The following ARHGEF28 variants were observed in gnomAD, a reference collection of about 807,000 sequenced individuals.
The protein encoded by ARHGEF28 is 190 kDa guanine nucleotide exchange factor.
In ARHGEF28, 152 loss-of-function variants were observed where a neutral mutation model predicts 206.6. The observed-to-expected ratio is 0.74, with a 90% CI of 0.64 to 0.84. ARHGEF28 has a LOEUF of 0.84. Among genes scored for constraint, ARHGEF28 ranks in the 40% least tolerant of loss-of-function variants. The pLI, the probability that ARHGEF28 is intolerant of heterozygous loss-of-function variation, is 0.00. For missense variants in ARHGEF28, 2,028 were observed against 2,073.2 expected, an observed-to-expected ratio of 0.98 and a Z score of 0.42; for synonymous variants, 763 against 776.4, an observed-to-expected ratio of 0.98 and a Z score of 0.29.
At position 73,941,024 on chromosome 5, in the gene ARHGEF28, A is replaced by AT. The variant is rs1367255994; in HGVS notation, c.*16dup. On this transcript the variant is annotated 3_prime_UTR_variant, in exon 36 of 36. Coordinates refer to ENST00000513042, the MANE Select transcript of ARHGEF28 (RefSeq NM_001177693.2). The stretch of plus-strand genomic sequence containing the variant: ...ATTGTTTACCTCTAATTGTGTTGTC[A>AT]TTTTTCCAAACAAAACAAAACACTG... 6.8e-7 allele frequency: 1 copy of AT among 1,468,946 alleles called. No individual in the cohort carries two copies. The highest frequency in any genetic ancestry group is 8.9e-7 in the Non-Finnish European group (1 of 1,117,462). 91.0% of individuals were successfully genotyped at this position (1,468,946 alleles called of 1,614,324 possible). A position where few individuals can be genotyped will look rare whatever the true frequency, so the allele number is the denominator to read the frequency against.
intron 2 of ARHGEF28, among the ~76,000 whole-genome samples, chr5:73,732,995 AT>A (rs1750704651): frequency 6.6e-6 from 1 of 152,140 alleles, no homozygotes; most frequent in South Asian, 2.1e-4. Flanking sequence ...CTTTTTAAAA[AT>A]TTTTTATTTC....
intron 9 of ARHGEF28, among the ~76,000 whole-genome samples, chr5:73,821,879 C>T (rs946842578): frequency 1.3e-5 from 2 of 151,970 alleles, no homozygotes; most frequent in Non-Finnish European, 2.9e-5. Flanking sequence ...TTCAAGAGTC[C>T]TTTTTCCAAA....
At chr5:73,938,740 G>C (rs911824185) in intron 35 of ARHGEF28, among the ~76,000 whole-genome samples, 16 of 152,156 alleles carry the variant, frequency 1.1e-4, no homozygotes, top group African/African-American at 3.9e-4. Context: ...GTGTGACTGC[G>C]TGTTGTGACC....
At chr5:73,689,347 T>C (rs1371748848) in intron 2 of ARHGEF28, among the ~76,000 whole-genome samples, 1 of 152,172 alleles carries the variant, frequency 6.6e-6, no homozygotes, top group East Asian at 1.9e-4. Context: ...TTGATTTATT[T>C]TTTTAAATTT....
chr5:73,681,429 A>G (rs1747091493), intron 1 of ARHGEF28, among the ~76,000 whole-genome samples: 1 of 152,180 alleles, frequency 6.6e-6, no homozygotes, highest in African/African-American at 2.4e-5. Context: ...TATACTCGGA[A>G]TAGGAGTCTC....
chr5:73,903,086 G>A (rs762740162), intron 31 of ARHGEF28: 3 of 152,204 alleles, frequency 2.0e-5, no homozygotes, highest in Non-Finnish European at 2.9e-5. Context: ...GGCTGCTTAC[G>A]AGTGAAATCT....
intron 1 of ARHGEF28, among the ~76,000 whole-genome samples, chr5:73,649,092 T>C (rs1298630445): frequency 6.6e-6 from 1 of 152,244 alleles, no homozygotes; most frequent in Non-Finnish European, 1.5e-5. Flanking sequence ...TAGGCATTAT[T>C]ATGTATGATC....
At chr5:73,849,222 GC>G (rs1438474864) in intron 13 of ARHGEF28, 135 bp downstream of exon 13, 3 of 656,490 alleles carry the variant, frequency 4.6e-6, no homozygotes, top group Non-Finnish European at 7.4e-6. Flanking sequence ...GTTTTTCTAA[GC>G]CTGACAAAAT....
chr5:73,805,241 A>G (rs985333228), intron 9 of ARHGEF28, among the ~76,000 whole-genome samples: 9 of 152,130 alleles, frequency 5.9e-5, no homozygotes, highest in African/African-American at 1.4e-4. Flanking sequence ...CTTGAATTGT[A>G]GGTACACAAC....
In ARHGEF28 at chr5:73,686,798, A is replaced by G. The variant is rs962873154; in HGVS notation, c.33+1914A>G. On this transcript the variant is annotated intron_variant, in intron 2 of 35. Coordinates refer to ENST00000513042, the MANE Select transcript of ARHGEF28 (RefSeq NM_001177693.2). The stretch of plus-strand genomic sequence containing the variant: ...CGGCCTCCCACAGTGCTGGGATTAC[A>G]GGCGTGAGCCACCGTGCCCAGCCAA... Among the ~76,000 whole-genome samples, 23 of 152,270 alleles carry G rather than the reference A, an allele frequency of 1.5e-4. 1 individual carries two copies. Among genetic ancestry groups the G allele is most frequent in the South Asian group, 1.2e-3 (6 of 4,826 alleles).
intron 1 of ARHGEF28, among the ~76,000 whole-genome samples, chr5:73,635,213 C>A (rs1358356913): frequency 6.6e-6 from 1 of 152,158 alleles, no homozygotes; most frequent in East Asian, 1.9e-4. Context: ...CATGGTGGCA[C>A]ATGCCTATAG....
chr5:73,730,254 T>C (rs1750527188), intron 2 of ARHGEF28, among the ~76,000 whole-genome samples: 1 of 152,128 alleles, frequency 6.6e-6, no homozygotes, highest in African/African-American at 2.4e-5. Flanking sequence ...CAGTCAGATA[T>C]GTTGTATATA....
chr5:73,654,181 A>G (rs1745023995), intron 1 of ARHGEF28, among the ~76,000 whole-genome samples: 1 of 152,176 alleles, frequency 6.6e-6, no homozygotes, highest in African/African-American at 2.4e-5. Context: ...GGCTTCTGTA[A>G]GGACAATGGG....
At chr5:73,935,782 G>A (rs1045323823) in intron 35 of ARHGEF28, among the ~76,000 whole-genome samples, 4 of 152,142 alleles carry the variant, frequency 2.6e-5, no homozygotes, top group Non-Finnish European at 5.9e-5. Flanking sequence ...GTAATAAGAA[G>A]TACAAGTCAG....
At chr5:73,798,612 C>G (rs1249564896) in intron 9 of ARHGEF28, among the ~76,000 whole-genome samples, 1 of 152,126 alleles carries the variant, frequency 6.6e-6, no homozygotes, top group Non-Finnish European at 1.5e-5. Context: ...AGATCTGCTT[C>G]TGTTGCTATC....
chr5:73,813,536 A>T, intron 9 of ARHGEF28: 2 of 1,532,030 alleles, frequency 1.3e-6, no homozygotes, highest in South Asian at 2.4e-5. Flanking sequence ...GGACGCCCCG[A>T]GTTCTTCCTG....
intron 12 of ARHGEF28, among the ~76,000 whole-genome samples, chr5:73,846,979 A>T (rs979161631): frequency 2.0e-5 from 3 of 152,148 alleles, no homozygotes; most frequent in Non-Finnish European, 2.9e-5. Context: ...GCCAGGTTTT[A>T]TCTTGTTGGC....
At chr5:73,655,692 G>A (rs1745149777) in intron 1 of ARHGEF28, among the ~76,000 whole-genome samples, 1 of 152,158 alleles carries the variant, frequency 6.6e-6, no homozygotes, top group South Asian at 2.1e-4. Context: ...AAGTCACGAG[G>A]CACAGCAGGG....
chr5:73,661,791 C>T (rs1467448268), intron 1 of ARHGEF28, among the ~76,000 whole-genome samples: 1 of 151,734 alleles, frequency 6.6e-6, no homozygotes, highest in Non-Finnish European at 1.5e-5. Flanking sequence ...TTTATGACAC[C>T]CCAAAACAAT....
Sources: gnomAD v4.1 joint callset for allele counts (sites outside exome capture counted in the v4.1 genomes callset) on GRCh38, gnomAD v4.1.1 for gene constraint, MANE v1.5 for transcripts, NCBI Gene and HGNC (gene_info 2026-07-23, HGNC 2026-07-21) for gene names.